The following BNC1 variants were observed in gnomAD, a reference collection of about 807,000 sequenced individuals.
BNC1 encodes the protein zinc finger protein basonuclin-1.
In BNC1, 8 loss-of-function variants were observed where a neutral mutation model predicts 66.5. The ratio of observed to expected loss-of-function variants is 0.12; its 90% CI spans 0.07 to 0.22. The LOEUF is 0.22. BNC1 is among the 10% of genes least tolerant of loss of function. BNC1 has a pLI of 1.00. For synonymous variants in BNC1, 454 were observed against 452.6 expected, an observed-to-expected ratio of 1.00 and a Z score of -0.04; for missense variants, 1,069 against 1,241.3, an observed-to-expected ratio of 0.86 and a Z score of 2.09.
chr15:83,262,178 G>T (rs568871736), intron 4 of BNC1, among the ~76,000 whole-genome samples: 31 of 151,812 alleles, frequency 2.0e-4, no homozygotes, highest in African/African-American at 6.3e-4. Flanking sequence ...CTTCCCAGTG[G>T]CTGGGACATG....
rs768877017 is a variant in BNC1 at position 83,264,204 on chromosome 15, G to A, written c.1047C>T (p.Ser349=). The part of the protein sequence containing the change: ...PEAKVKPERN[S]LGTKKGRVFC... ...ACACCCGGCCCTTCTTTGTACCAAG[G>A]CTATTCCTCTCAGGCTTCACTTTGG... is the stretch of plus-strand genomic sequence containing the variant. The change falls in exon 4 of 5, where the codon AGC becomes AGT. Residue 349 remains serine (S), a synonymous_variant. Transcript: ENST00000345382. The A allele has an allele frequency of 6.2e-7, 1 of 1,614,172 alleles. No homozygotes were observed. The highest frequency in any genetic ancestry group is 8.5e-7 in the Non-Finnish European group (1 of 1,180,048).
chr15:83,283,900 T>C (rs1206342691), intron 1 of BNC1, among the ~76,000 whole-genome samples: 1 of 152,070 alleles, frequency 6.6e-6, no homozygotes, highest in African/African-American at 2.4e-5. Flanking sequence ...TGTGGGTTTG[T>C]TTTGTTTTTT....
rs182416071 is a variant in BNC1, at chr15:83,256,126, C to G, written c.*1316G>C. On this transcript the variant is annotated 3_prime_UTR_variant, in exon 5 of 5. Coordinates refer to ENST00000345382, the MANE Select transcript of BNC1 (RefSeq NM_001717.4). ...TTAACCTTTAGACCACAGAAATAAT[C>G]TCTCTTATAACCCTCAACTTTAAGA... is the stretch of plus-strand genomic sequence containing the variant. The G allele has an allele frequency of 1.3e-5, 2 of 152,612 alleles. No homozygotes were observed. Among genetic ancestry groups the G allele is most frequent in the South Asian group, 2.1e-4 (1 of 4,830 alleles). 9.5% of individuals were successfully genotyped at this position (152,612 alleles called of 1,614,324 possible). A position where few individuals can be genotyped will look rare whatever the true frequency, so the allele number is the denominator to read the frequency against.
chr15:83,284,340 C>T (rs1215500971), intron 1 of BNC1, among the ~76,000 whole-genome samples, 190 bp downstream of exon 1: 1 of 151,822 alleles, frequency 6.6e-6, no homozygotes, highest in Non-Finnish European at 1.5e-5. Flanking sequence ...CCAACCCCCC[C>T]GCCGCCGCCT....
rs375551680 is a variant in BNC1, at chr15:83,263,380, G to A, written c.1871C>T (p.Thr624Ile). The A allele has an allele frequency of 8.7e-6, 14 of 1,614,214 alleles. No homozygotes were observed. In the African/African-American group the frequency reaches 1.9e-4, roughly 22 times the overall value. ...TGAATTGTGTGTGGCCTGCTCAGGG[G>A]TTTGGCTGATGGCTCCACTGGACTC... Reference protein sequence around the residue: ...VIESSGAISQTPEQATHNSER... With the variant: ...VIESSGAISQIPEQATHNSER... The change falls in exon 4 of 5, where the codon ACC becomes ATC. Residue 624 changes from threonine (T) to isoleucine (I), a missense_variant. Thr to Ile is a moderately conservative substitution (Grantham distance 89). Around this residue, in one of 7 missense-constraint regions of BNC1, gnomAD observed 657 missense variants for 715.8 expected, o/e 0.92. Coordinates refer to ENST00000345382, the MANE Select transcript of BNC1 (RefSeq NM_001717.4).
intron 1 of BNC1, among the ~76,000 whole-genome samples, chr15:83,275,504 A>C (rs1595941583): frequency 6.6e-6 from 1 of 151,948 alleles, no homozygotes; most frequent in African/African-American, 2.4e-5. Flanking sequence ...AAAAAAAAAA[A>C]AAAAACTAAG....
At chr15:83,266,277 G>A (rs1166125337) in intron 3 of BNC1, among the ~76,000 whole-genome samples, 1 of 150,534 alleles carries the variant, frequency 6.6e-6, no homozygotes, top group Non-Finnish European at 1.5e-5. Flanking sequence ...GAGGGAGGGA[G>A]ACATACACAC....
rs146786017 is a variant in BNC1, at chr15:83,282,806, A to T, written c.99+1724T>A. ...GCTTTGATGAAAAGAATATATTTTT[A>T]AAAAAATTGTTGCTACATCTGCTCT... is the stretch of plus-strand genomic sequence containing the variant. On this transcript the variant is annotated intron_variant, in intron 1 of 4. Coordinates refer to ENST00000345382, the MANE Select transcript of BNC1 (RefSeq NM_001717.4). Among the ~76,000 whole-genome samples, 360 of 152,312 alleles carry T rather than the reference A, an allele frequency of 2.4e-3. 1 individual carries two copies. The highest frequency in any genetic ancestry group is 6.8e-3 in the Middle Eastern group (2 of 294).
rs377359266 is a variant in BNC1, at chr15:83,266,816, A to G, written c.435+20T>C. On this transcript the variant is annotated intron_variant, in intron 3 of 4. Coordinates refer to ENST00000345382, the MANE Select transcript of BNC1 (RefSeq NM_001717.4). ...ATTTCAGAAAGCACCCTAGGAGGAC[A>G]ATGTTCATGTTTACTGTACCTGCAG... 47 of 1,605,234 alleles carry G rather than the reference A, an allele frequency of 2.9e-5. 1 individual carries two copies. The African/African-American group carries it at 5.9e-4, about 20-fold the overall frequency.
At chr15:83,283,336 G>A (rs1276177498) in intron 1 of BNC1, 2 of 1,468,300 alleles carry the variant, frequency 1.4e-6, no homozygotes, top group Non-Finnish European at 1.8e-6. Context: ...AGGCGGCGGC[G>A]GGGCTCCGGG....
chr15:83,261,702 A>G (rs2038142805), intron 4 of BNC1, among the ~76,000 whole-genome samples: 2 of 152,210 alleles, frequency 1.3e-5, no homozygotes, highest in South Asian at 4.1e-4. Context: ...GATATGCTCT[A>G]TAGCGGGGGA....
intron 1 of BNC1, among the ~76,000 whole-genome samples, chr15:83,276,627 C>A (rs962084353): frequency 3.9e-5 from 6 of 152,188 alleles, no homozygotes; most frequent in Admixed American, 1.3e-4. Flanking sequence ...GAAAACTCCT[C>A]ATAAATAGCA....
intron 1 of BNC1, among the ~76,000 whole-genome samples, chr15:83,272,978 T>C (rs904925337): frequency 6.6e-6 from 1 of 152,066 alleles, no homozygotes; most frequent in Non-Finnish European, 1.5e-5. Context: ...CCAAATGCCC[T>C]TGGGGGGGGG....
At position 83,269,210 on chromosome 15, in the gene BNC1, C is replaced by A. The variant is rs939386637; in HGVS notation, c.100-978G>T. Among the ~76,000 whole-genome samples, 4 of 152,220 alleles carry A rather than the reference C, an allele frequency of 2.6e-5. No homozygotes were observed. In the East Asian group the frequency reaches 7.7e-4, roughly 29 times the overall value. Reference sequence around the variant, plus strand: ...CTGCACTCCAGCCTGGGCGACAGAGCGAGACTCCCTCTCAAAAAAACAAAA... The same window carrying A: ...CTGCACTCCAGCCTGGGCGACAGAGAGAGACTCCCTCTCAAAAAAACAAAA... On this transcript the variant is annotated intron_variant, in intron 1 of 4. Coordinates refer to ENST00000345382, the MANE Select transcript of BNC1 (RefSeq NM_001717.4).
At position 83,263,860 on chromosome 15, in the gene BNC1, T is replaced by C. The variant is rs1488681751; in HGVS notation, c.1391A>G (p.Lys464Arg). Residue 464 changes from lysine to arginine, a missense_variant, in exon 4 of 5, where the codon AAA becomes AGA. Lys to Arg is a conservative substitution (Grantham distance 26). This residue lies in a region of BNC1 where 657 missense variants were observed against 715.8 expected (regional missense o/e 0.92). Coordinates refer to ENST00000345382, the MANE Select transcript of BNC1 (RefSeq NM_001717.4). ...PSYPGSGEDS[K>R]GQPAFPNIGQ... ...AATGTTTGGGAAGGCTGGTTGGCCT[T>C]TGGAATCCTCTCCTGAACCAGGGTA... 3 of 1,614,038 alleles carry C rather than the reference T, an allele frequency of 1.9e-6. No homozygotes were observed. Among genetic ancestry groups the C allele is most frequent in the Non-Finnish European group, 1.7e-6 (2 of 1,180,040 alleles).
chr15:83,275,020 C>T (rs181160202), intron 1 of BNC1, among the ~76,000 whole-genome samples: 1 of 152,334 alleles, frequency 6.6e-6, no homozygotes, highest in Admixed American at 6.5e-5. Context: ...ACAGTAAAGA[C>T]ATTTCATTCA....
At chr15:83,282,188 A>G (rs1403041574) in intron 1 of BNC1, among the ~76,000 whole-genome samples, 1 of 152,218 alleles carries the variant, frequency 6.6e-6, no homozygotes, top group East Asian at 1.9e-4. Flanking sequence ...GAGTTCCCAA[A>G]GTGTGAGCAT....
chr15:83,283,388 C>A (rs1458921300), intron 1 of BNC1: 52 of 1,280,114 alleles, frequency 4.1e-5, no homozygotes, highest in Non-Finnish European at 4.8e-5. Flanking sequence ...GACCCCGCAG[C>A]GGCCTCCTCC....
At chr15:83,273,219 C>G (rs1238902185) in intron 1 of BNC1, among the ~76,000 whole-genome samples, 2 of 152,116 alleles carry the variant, frequency 1.3e-5, no homozygotes, top group Admixed American at 1.3e-4. Context: ...ACTAAAAAAG[C>G]TAATTACAGT....
Sources: allele counts gnomAD v4.1 joint callset (sites outside exome capture counted in the v4.1 genomes callset), GRCh38; gene constraint gnomAD v4.1.1; regional missense constraint gnomAD v4.1.1; transcripts MANE v1.5; gene names NCBI Gene and HGNC (gene_info 2026-07-23, HGNC 2026-07-21).